The following AKAP19 variants were observed in gnomAD, a reference collection of about 807,000 sequenced individuals.
AKAP19 encodes A-kinase anchoring protein 19.
chr2:189,953,302 G>T, the AKAP19 span, among the ~76,000 whole-genome samples: 1 of 152,224 alleles, frequency 6.6e-6, no homozygotes, highest in East Asian at 1.9e-4. Flanking sequence ...TCAGCTGACA[G>T]TTATATGATT....
chr2:190,019,560 A>T, the AKAP19 span, among the ~76,000 whole-genome samples: 14 of 151,998 alleles, frequency 9.2e-5, no homozygotes, highest in African/African-American at 3.4e-4. Context: ...CAGAGCTACA[A>T]CCAAGATTTC....
the AKAP19 span, among the ~76,000 whole-genome samples, chr2:190,133,261 A>G: frequency 5.0e-5 from 7 of 140,950 alleles, no homozygotes; most frequent in African/African-American, 1.8e-4. Flanking sequence ...AAAAAAAAAA[A>G]AAGTGCAAAA....
chr2:189,886,677 C>G, the AKAP19 span, among the ~76,000 whole-genome samples: 2 of 152,122 alleles, frequency 1.3e-5, no homozygotes, highest in Non-Finnish European at 1.5e-5. Context: ...CACTTGAGCT[C>G]AGCAATGAGG....
At chr2:190,182,288 C>A in the AKAP19 span, among the ~76,000 whole-genome samples, 1 of 152,196 alleles carries the variant, frequency 6.6e-6, no homozygotes, top group Non-Finnish European at 1.5e-5. Context: ...AGCGCTCCAA[C>A]TGTGAACTTA....
At chr2:190,020,663 T>C in the AKAP19 span, among the ~76,000 whole-genome samples, 1 of 152,184 alleles carries the variant, frequency 6.6e-6, no homozygotes, top group Non-Finnish European at 1.5e-5. Context: ...ACATTTATAT[T>C]GTTGTGGAAC....
At chr2:190,027,635 G>T in the AKAP19 span, among the ~76,000 whole-genome samples, 5 of 152,146 alleles carry the variant, frequency 3.3e-5, no homozygotes, top group African/African-American at 4.8e-5. Flanking sequence ...ATATGTAAGT[G>T]CAATAAGTAT....
the AKAP19 span, among the ~76,000 whole-genome samples, chr2:189,931,515 C>A: frequency 6.6e-6 from 1 of 152,128 alleles, no homozygotes; most frequent in African/African-American, 2.4e-5. Flanking sequence ...GTACACATCA[C>A]CACACCTGGC....
At chr2:190,072,878 T>C in the AKAP19 span, among the ~76,000 whole-genome samples, 1 of 152,146 alleles carries the variant, frequency 6.6e-6, no homozygotes, top group Non-Finnish European at 1.5e-5. Context: ...GCTTCAAATA[T>C]GTATTGCTAA....
At chr2:189,893,591 G>C in the AKAP19 span, among the ~76,000 whole-genome samples, 2 of 152,158 alleles carry the variant, frequency 1.3e-5, no homozygotes, top group Non-Finnish European at 2.9e-5. Context: ...GGGTACCTCA[G>C]TTGTAAATGC....
At chr2:189,980,924 C>G in the AKAP19 span, among the ~76,000 whole-genome samples, 1 of 152,144 alleles carries the variant, frequency 6.6e-6, no homozygotes, top group Non-Finnish European at 1.5e-5. Context: ...TTTATTGAGA[C>G]TTCCTTTATG....
At chr2:190,193,189 A>T in the AKAP19 span, among the ~76,000 whole-genome samples, 2 of 151,506 alleles carry the variant, frequency 1.3e-5, no homozygotes, top group East Asian at 1.9e-4. Context: ...TTTTATCAAA[A>T]TTTTTTTTCT....
At chr2:190,026,197 C>T in the AKAP19 span, among the ~76,000 whole-genome samples, 1 of 152,144 alleles carries the variant, frequency 6.6e-6, no homozygotes, top group Non-Finnish European at 1.5e-5. Flanking sequence ...GGGTAAACTA[C>T]AGCATGTGGG....
At chr2:190,062,539 G>C in the AKAP19 span, 1 of 1,613,180 alleles carries the variant, frequency 6.2e-7, no homozygotes, top group South Asian at 1.1e-5. Flanking sequence ...AGATCCACTG[G>C]ACCAGCAACA....
chr2:189,976,960 A>T, the AKAP19 span, among the ~76,000 whole-genome samples: 17 of 151,186 alleles, frequency 1.1e-4, no homozygotes, highest in African/African-American at 4.1e-4. Flanking sequence ...TTTGGCTCAC[A>T]CTCGGTGGGC....
At chr2:190,036,600 T>A in the AKAP19 span, among the ~76,000 whole-genome samples, 1 of 5,920 alleles carries the variant, frequency 1.7e-4, no homozygotes, top group Non-Finnish European at 0.011. Flanking sequence ...TTGGTAGTAT[T>A]TTTTTTTTCA....
the AKAP19 span, among the ~76,000 whole-genome samples, chr2:189,993,580 C>T: frequency 6.6e-6 from 1 of 152,058 alleles, no homozygotes; most frequent in African/African-American, 2.4e-5. Context: ...AGATTGGTAC[C>T]AATTCTTCTT....
chr2:190,002,331 C>G, the AKAP19 span, among the ~76,000 whole-genome samples: 2 of 152,148 alleles, frequency 1.3e-5, no homozygotes, highest in African/African-American at 4.8e-5. Flanking sequence ...GACCTTTTAT[C>G]TGGAACTTCT....
At chr2:189,888,793 T>C in the AKAP19 span, among the ~76,000 whole-genome samples, 1 of 152,246 alleles carries the variant, frequency 6.6e-6, no homozygotes, top group Admixed American at 6.5e-5. Flanking sequence ...ATTGATTTTG[T>C]ATCCTGAGAC....
chr2:189,882,376 C>T, the AKAP19 span, among the ~76,000 whole-genome samples: 2 of 152,214 alleles, frequency 1.3e-5, no homozygotes, highest in African/African-American at 4.8e-5. Flanking sequence ...GTCCTTACGA[C>T]GTGTGCCCAA....
Sources: gnomAD v4.1 joint callset for allele counts (sites outside exome capture counted in the v4.1 genomes callset) on GRCh38, gnomAD v4.1.1 for gene constraint, MANE v1.5 for transcripts, NCBI Gene and HGNC (gene_info 2026-07-23, HGNC 2026-07-21) for gene names.